Variants in ADAMTSL3 observed in about 807,000 individuals in gnomAD.
The protein encoded by ADAMTSL3 is ADAMTS-like protein 3.
Under a neutral mutation model 201.7 loss-of-function variants are expected in ADAMTSL3, and 128 were observed. The ratio of observed to expected loss-of-function variants is 0.63; its 90% CI spans 0.55 to 0.73. The LOEUF (loss-of-function observed/expected upper bound fraction) is 0.73. Among genes scored for constraint, ADAMTSL3 ranks in the 30% least tolerant of loss-of-function variants. The pLI is 0.00. For synonymous variants in ADAMTSL3, 738 were observed against 748.4 expected, an observed-to-expected ratio of 0.99 and a Z score of 0.23; for missense variants, 1,990 against 2,119.6, an observed-to-expected ratio of 0.94 and a Z score of 1.20.
intron 22 of ADAMTSL3, among the ~76,000 whole-genome samples, 180 bp from the exon 23 acceptor site, chr15:83,990,906 C>A (rs1432553805): frequency 6.6e-6 from 1 of 152,110 alleles, no homozygotes; most frequent in African/African-American, 2.4e-5. Context: ...GTCCGTATGT[C>A]CACTGAGCAC....
intron 2 of ADAMTSL3, among the ~76,000 whole-genome samples, chr15:83,695,661 A>G (rs1445018672): frequency 6.6e-6 from 1 of 152,194 alleles, no homozygotes; most frequent in East Asian, 1.9e-4. Flanking sequence ...TTGATGGTAA[A>G]TAGAGAAAAA....
chr15:83,841,662 G>C (rs12917201), intron 7 of ADAMTSL3, among the ~76,000 whole-genome samples: 21,109 of 151,998 alleles, frequency 0.14, 1,913 homozygotes, highest in Middle Eastern at 0.34. Flanking sequence ...ATACGGGAGG[G>C]GGGGCAGGAA....
chr15:83,893,132 G>A lies in ADAMTSL3; in HGVS notation c.1467+244G>A, dbSNP rs184095715. Among the ~76,000 whole-genome samples, 50 of 152,178 alleles carry A rather than the reference G, an allele frequency of 3.3e-4. 1 individual carries two copies. Among genetic ancestry groups the A allele is most frequent in the Admixed American group, 1.6e-3 (25 of 15,282 alleles). On this transcript the variant is annotated intron_variant, in intron 13 of 29. Coordinates refer to ENST00000286744, the MANE Select transcript of ADAMTSL3 (RefSeq NM_207517.3). ...ATAATATTTCCATACAATTACCAGC[G>A]TAATTAATATTAAGTACTGTAAAGA... is the stretch of plus-strand genomic sequence containing the variant.
chr15:83,953,920 A>G (rs2066804170), intron 19 of ADAMTSL3, among the ~76,000 whole-genome samples: 3 of 152,160 alleles, frequency 2.0e-5, no homozygotes, highest in Admixed American at 2.0e-4. Context: ...TTAGAACCCC[A>G]TTGTGTGTTA....
At chr15:83,871,089 T>G (rs1024808859) in intron 9 of ADAMTSL3, 130 bp downstream of exon 9, 28 of 1,063,356 alleles carry the variant, frequency 2.6e-5, no homozygotes, top group Admixed American at 1.2e-4. Context: ...CATCAATATT[T>G]CCATCTTGGC....
intron 7 of ADAMTSL3, among the ~76,000 whole-genome samples, chr15:83,850,885 T>C (rs35651801): frequency 0.14 from 21,116 of 152,200 alleles, 1,906 homozygotes; most frequent in Middle Eastern, 0.33. Flanking sequence ...GCTGAAAAGT[T>C]TGTGACTGTG....
At chr15:84,025,208 T>C (rs762998403) in intron 26 of ADAMTSL3, 30 bp from the exon 27 acceptor site, 6 of 1,555,636 alleles carry the variant, frequency 3.9e-6, no homozygotes, top group South Asian at 1.3e-5. Flanking sequence ...ATACCAGTCC[T>C]TACTAAAGTC....
intron 2 of ADAMTSL3, among the ~76,000 whole-genome samples, chr15:83,662,625 A>G (rs1253204522): frequency 6.6e-6 from 1 of 152,074 alleles, no homozygotes; most frequent in Non-Finnish European, 1.5e-5. Context: ...CAGTTCATTT[A>G]AAGTTTTGAT....
intron 6 of ADAMTSL3, among the ~76,000 whole-genome samples, chr15:83,822,680 G>A (rs1481580556): frequency 6.6e-6 from 1 of 150,532 alleles, no homozygotes; most frequent in African/African-American, 2.4e-5. Context: ...ATGGGATGGC[G>A]GCCGGGCAGA....
intron 4 of ADAMTSL3, among the ~76,000 whole-genome samples, chr15:83,782,854 C>T (rs1275426009): frequency 6.6e-6 from 1 of 151,288 alleles, no homozygotes; most frequent in Non-Finnish European, 1.5e-5. Context: ...CAAGCCTGCA[C>T]ATGTACCTCT....
At chr15:83,921,706 G>C (rs1450790620) in intron 16 of ADAMTSL3, among the ~76,000 whole-genome samples, 1 of 152,054 alleles carries the variant, frequency 6.6e-6, no homozygotes, top group Admixed American at 6.6e-5. Flanking sequence ...TGTATTTTGA[G>C]ACAGAGTCTT....
intron 10 of ADAMTSL3, among the ~76,000 whole-genome samples, chr15:83,888,184 T>G (rs2065434178): frequency 6.6e-6 from 1 of 152,226 alleles, no homozygotes; most frequent in Admixed American, 6.5e-5. Context: ...AAGGGAGATT[T>G]TAGGCTGCTT....
chr15:84,010,422 A>C (rs953074815), intron 23 of ADAMTSL3, among the ~76,000 whole-genome samples: 43 of 152,218 alleles, frequency 2.8e-4, no homozygotes, highest in African/African-American at 9.6e-4. Flanking sequence ...TAACCAAAAA[A>C]GTCACGCTGA....
chr15:83,759,917 T>C (rs2062782301), intron 3 of ADAMTSL3, among the ~76,000 whole-genome samples: 1 of 152,210 alleles, frequency 6.6e-6, no homozygotes, highest in Non-Finnish European at 1.5e-5. Flanking sequence ...TGCAGTGATA[T>C]TCCACATTTC....
At chr15:83,785,947 G>T (rs2063256090) in intron 4 of ADAMTSL3, among the ~76,000 whole-genome samples, 1 of 151,964 alleles carries the variant, frequency 6.6e-6, no homozygotes. Context: ...AGATTCAAGT[G>T]ATTCTTCTGC....
chr15:83,988,320 C>T (rs1416343672), intron 21 of ADAMTSL3, among the ~76,000 whole-genome samples: 2 of 152,168 alleles, frequency 1.3e-5, no homozygotes, highest in African/African-American at 2.4e-5. Context: ...AGGAAGGATT[C>T]GGGCAGAAAA....
intron 2 of ADAMTSL3, among the ~76,000 whole-genome samples, chr15:83,688,587 C>T (rs947672413): frequency 5.3e-5 from 8 of 151,578 alleles, no homozygotes; most frequent in Admixed American, 2.0e-4. Context: ...TTAACCTTTA[C>T]GTTCTTTTAT....
intron 23 of ADAMTSL3, among the ~76,000 whole-genome samples, chr15:84,008,454 G>T (rs1055088865): frequency 6.6e-6 from 1 of 152,146 alleles, no homozygotes; most frequent in Admixed American, 6.5e-5. Flanking sequence ...GCATTGGACA[G>T]TTGCTACGCC....
Position 83,838,263 on chromosome 15 carries a change from T to C in ADAMTSL3, c.727+48T>C, listed in dbSNP as rs772577661. On this transcript the variant is annotated intron_variant, in intron 7 of 29. Coordinates refer to ENST00000286744, the MANE Select transcript of ADAMTSL3 (RefSeq NM_207517.3). Reference sequence around the variant, plus strand: ...TATTACCATCATACAAGATATATTTTAGACTGTCTATTGCTAGAATAACAT... The same window carrying C: ...TATTACCATCATACAAGATATATTTCAGACTGTCTATTGCTAGAATAACAT... 5 of 1,587,728 alleles carry C rather than the reference T, an allele frequency of 3.1e-6. No homozygotes were observed. In the African/African-American group the frequency reaches 5.4e-5, roughly 17 times the overall value.
Sources: allele counts gnomAD v4.1 joint callset (sites outside exome capture counted in the v4.1 genomes callset), GRCh38; gene constraint gnomAD v4.1.1; transcripts MANE v1.5; gene names NCBI Gene and HGNC (gene_info 2026-07-23, HGNC 2026-07-21).